DLGAP1: variants seen among roughly 807,000 people sequenced by gnomAD.
The protein encoded by DLGAP1 is DLG associated protein 1.
Under a neutral mutation model 90.8 loss-of-function variants are expected in DLGAP1, and 11 were observed. The ratio of observed to expected loss-of-function variants is 0.12; its 90% CI spans 0.08 to 0.20. The LOEUF (loss-of-function observed/expected upper bound fraction) is 0.20. Ranked by LOEUF, DLGAP1 falls within the 10% of genes least tolerant of loss-of-function variation. The pLI is 1.00. For missense variants in DLGAP1, 1,050 were observed against 1,333.8 expected, an observed-to-expected ratio of 0.79 and a Z score of 3.31; for synonymous variants, 558 against 540.7, an observed-to-expected ratio of 1.03 and a Z score of -0.44.
chr18:4,089,962 G>A (rs975059176), intron 2 of DLGAP1, among the ~76,000 whole-genome samples: 2 of 152,076 alleles, frequency 1.3e-5, no homozygotes, highest in South Asian at 2.1e-4. Flanking sequence ...GGAGAATGGC[G>A]TGAACCCGGG....
At chr18:3,881,699 G>A (rs2071174602) in intron 3 of DLGAP1, among the ~76,000 whole-genome samples, 1 of 151,992 alleles carries the variant, frequency 6.6e-6, no homozygotes, top group Non-Finnish European at 1.5e-5. Flanking sequence ...GGATCACGAG[G>A]TCAGGAGATC....
intron 7 of DLGAP1, among the ~76,000 whole-genome samples, chr18:3,618,591 G>T (rs1301271028): frequency 1.2e-4 from 4 of 33,634 alleles, no homozygotes; most frequent in Admixed American, 3.3e-4. Context: ...GCTTTTGGAG[G>T]CTTCTTTGAC....
At chr18:4,299,042 C>T (rs4798211) in intron 1 of DLGAP1, among the ~76,000 whole-genome samples, 31,954 of 143,234 alleles carry the variant, frequency 0.22, 3,591 homozygotes, top group African/African-American at 0.27. Flanking sequence ...GATCACGCCA[C>T]TGCAGTCTAG....
intron 3 of DLGAP1, among the ~76,000 whole-genome samples, chr18:3,891,610 C>T (rs2071460375): frequency 6.6e-6 from 1 of 152,084 alleles, no homozygotes; most frequent in Admixed American, 6.5e-5. Flanking sequence ...ATGGTCTCTG[C>T]CTCTAGGAAT....
At chr18:4,298,942 G>C (rs889967270) in intron 1 of DLGAP1, among the ~76,000 whole-genome samples, 1 of 151,746 alleles carries the variant, frequency 6.6e-6, no homozygotes, top group Non-Finnish European at 1.5e-5. Flanking sequence ...TTAGCCAAGC[G>C]TGGTGGCAGG....
intron 1 of DLGAP1, among the ~76,000 whole-genome samples, chr18:4,209,351 C>A (rs140925552): frequency 4.1e-4 from 63 of 152,302 alleles, no homozygotes; most frequent in Middle Eastern, 3.4e-3. Context: ...AAGAGAAACA[C>A]CATTTTCACT....
At chr18:3,912,925 A>G (rs60181488) in intron 3 of DLGAP1, among the ~76,000 whole-genome samples, 13,161 of 152,182 alleles carry the variant, frequency 0.086, 915 homozygotes, top group African/African-American at 0.19. Flanking sequence ...TTCCTGCTCC[A>G]TCCAGAACCA....
chr18:4,120,986 G>A (rs2076145511), intron 2 of DLGAP1, among the ~76,000 whole-genome samples: 1 of 152,124 alleles, frequency 6.6e-6, no homozygotes, highest in African/African-American at 2.4e-5. Flanking sequence ...GGTTGGAGGA[G>A]GTGGGCACAG....
intron 9 of DLGAP1, 71 bp downstream of exon 9, chr18:3,567,419 T>C: frequency 7.7e-7 from 1 of 1,306,672 alleles, no homozygotes; most frequent in South Asian, 1.3e-5. Context: ...TGTAGACTTA[T>C]CACGGGGAAA....
At chr18:4,421,869 A>T (rs1039526172) in intron 1 of DLGAP1, among the ~76,000 whole-genome samples, 3 of 151,816 alleles carry the variant, frequency 2.0e-5, no homozygotes, top group East Asian at 1.9e-4. Flanking sequence ...CCACCATCAC[A>T]TTCAGCTAAT....
chr18:4,068,020 C>T (rs1450799142), intron 2 of DLGAP1, among the ~76,000 whole-genome samples: 2 of 152,034 alleles, frequency 1.3e-5, no homozygotes, highest in Admixed American at 1.3e-4. Flanking sequence ...TTTCCATTGA[C>T]ACACATAGTG....
intron 6 of DLGAP1, among the ~76,000 whole-genome samples, chr18:3,741,062 CACCA>C (rs1568047991): frequency 8.5e-6 from 1 of 117,914 alleles, no homozygotes; most frequent in African/African-American, 3.5e-5. Context: ...CCACCATCAC[CACCA>C]CCACCACCAC....
At chr18:4,370,865 C>T (rs2081900209) in intron 1 of DLGAP1, among the ~76,000 whole-genome samples, 1 of 152,042 alleles carries the variant, frequency 6.6e-6, no homozygotes, top group East Asian at 1.9e-4. Context: ...TCTGAAGTAA[C>T]CAGCCAATTA....
chr18:4,118,319 G>C (rs993289196), intron 2 of DLGAP1, among the ~76,000 whole-genome samples: 1 of 152,076 alleles, frequency 6.6e-6, no homozygotes, highest in African/African-American at 2.4e-5. Flanking sequence ...AAGAGCTGGG[G>C]GTAGAACCCA....
chr18:4,035,496 G>GA (rs969842361), intron 2 of DLGAP1, among the ~76,000 whole-genome samples: 1 of 152,016 alleles, frequency 6.6e-6, no homozygotes, highest in Non-Finnish European at 1.5e-5. Context: ...CTACTGATGA[G>GA]AAAAAAGGAT....
intron 2 of DLGAP1, among the ~76,000 whole-genome samples, chr18:4,145,678 T>C (rs1456167692): frequency 6.6e-6 from 1 of 152,220 alleles, no homozygotes; most frequent in Non-Finnish European, 1.5e-5. Context: ...GGTATAAAGC[T>C]GCATCTGGCA....
chr18:3,953,563 C>T (rs1383768447), intron 3 of DLGAP1, among the ~76,000 whole-genome samples: 1 of 117,496 alleles, frequency 8.5e-6, no homozygotes, highest in African/African-American at 2.8e-5. Context: ...ATGTACACTA[C>T]ATTTTCTTTA....
At chr18:4,263,645 A>T (rs7241505) in intron 1 of DLGAP1, among the ~76,000 whole-genome samples, 53,577 of 152,102 alleles carry the variant, frequency 0.35, 14,468 homozygotes, top group African/African-American at 0.76. Flanking sequence ...TATCTTGGTA[A>T]TTGGTGCCCA....
intron 9 of DLGAP1, among the ~76,000 whole-genome samples, chr18:3,551,631 C>G (rs1157276077): frequency 2.0e-5 from 1 of 51,202 alleles, no homozygotes; most frequent in Non-Finnish European, 4.2e-5. Context: ...TTCTTTCTTT[C>G]TTTCCTTCCT....
Sources: gnomAD v4.1 joint callset for allele counts (sites outside exome capture counted in the v4.1 genomes callset) on GRCh38, gnomAD v4.1.1 for gene constraint, MANE v1.5 for transcripts, NCBI Gene and HGNC (gene_info 2026-07-23, HGNC 2026-07-21) for gene names.